Variants in LDLRAD4 observed in about 807,000 individuals in gnomAD.
The protein encoded by LDLRAD4 is low-density lipoprotein receptor class A domain-containing protein 4.
A neutral mutation model predicts 17.0 loss-of-function variants in LDLRAD4; 5 were observed. The ratio of observed to expected loss-of-function variants is 0.29; its 90% CI spans 0.15 to 0.62. LDLRAD4 has a LOEUF of 0.62. Ranked by LOEUF, LDLRAD4 falls within the 20% of genes least tolerant of loss-of-function variation. The probability of loss-of-function intolerance (pLI) is 0.84; values close to 1 mark genes in which losing one functional copy is unlikely to be tolerated. For synonymous variants in LDLRAD4, 168 were observed against 171.8 expected, an observed-to-expected ratio of 0.98 and a Z score of 0.17; for missense variants, 340 against 424.7, an observed-to-expected ratio of 0.80 and a Z score of 1.75.
At chr18:13,386,596 C>T (rs2085821679) in intron 1 of LDLRAD4, among the ~76,000 whole-genome samples, 2 of 152,206 alleles carry the variant, frequency 1.3e-5, no homozygotes, top group African/African-American at 4.8e-5. Flanking sequence ...TCTCGAACTC[C>T]TGACCTCAGG....
chr18:13,476,499 C>G (rs547901036), intron 3 of LDLRAD4, among the ~76,000 whole-genome samples: 1 of 152,008 alleles, frequency 6.6e-6, no homozygotes. Flanking sequence ...TGGTGTGCAC[C>G]TGTAGTTCCA....
intron 2 of LDLRAD4, among the ~76,000 whole-genome samples, chr18:13,391,040 G>A (rs182016582): frequency 2.6e-5 from 4 of 152,286 alleles, no homozygotes; most frequent in Admixed American, 2.0e-4. Flanking sequence ...TCAGGAGTCC[G>A]GTGCCCAGCC....
At chr18:13,409,178 G>T (rs190446243) in intron 2 of LDLRAD4, among the ~76,000 whole-genome samples, 95 of 152,236 alleles carry the variant, frequency 6.2e-4, no homozygotes, top group East Asian at 3.7e-3. Context: ...TTGTTTGTTT[G>T]TTTTTTCACT....
intron 3 of LDLRAD4, among the ~76,000 whole-genome samples, chr18:13,454,937 G>A (rs1423075983): frequency 6.6e-6 from 1 of 152,274 alleles, no homozygotes; most frequent in African/African-American, 2.4e-5. Context: ...CCTGCGGCGG[G>A]AGCAGGGCAT....
intron 1 of LDLRAD4, among the ~76,000 whole-genome samples, chr18:13,317,381 C>T (rs138142851): frequency 1.2e-3 from 176 of 152,288 alleles, no homozygotes; most frequent in African/African-American, 4.0e-3. Context: ...CTGACCTGCT[C>T]AGCTATTCAG....
At chr18:13,327,601 T>C (rs147026954) in intron 1 of LDLRAD4, among the ~76,000 whole-genome samples, 291 of 151,844 alleles carry the variant, frequency 1.9e-3, no homozygotes, top group African/African-American at 6.6e-3. Flanking sequence ...AATTAAGGAT[T>C]TTGGTGTTAA....
intron 1 of LDLRAD4, among the ~76,000 whole-genome samples, chr18:13,290,148 C>T (rs1182276701): frequency 6.6e-6 from 1 of 152,210 alleles, no homozygotes; most frequent in African/African-American, 2.4e-5. Context: ...GATGGGGCAC[C>T]CATTCTTCCC....
intron 1 of LDLRAD4, among the ~76,000 whole-genome samples, chr18:13,327,699 A>G (rs998242403): frequency 6.6e-6 from 1 of 152,112 alleles, no homozygotes; most frequent in Non-Finnish European, 1.5e-5. Flanking sequence ...AAAGAGAAAG[A>G]AAGTAGGTGG....
chr18:13,545,765 C>T (rs1358574159), intron 3 of LDLRAD4, among the ~76,000 whole-genome samples: 4 of 152,200 alleles, frequency 2.6e-5, no homozygotes, highest in African/African-American at 9.6e-5. Flanking sequence ...TCAGTGCCTG[C>T]TGTGCACAGG....
intron 3 of LDLRAD4, among the ~76,000 whole-genome samples, chr18:13,454,642 T>A (rs1411085689): frequency 6.6e-6 from 1 of 152,240 alleles, no homozygotes; most frequent in East Asian, 1.9e-4. Context: ...TGCCTGTCTC[T>A]GCAGAGAGGG....
chr18:13,625,633 C>T (rs1305206461), intron 4 of LDLRAD4, among the ~76,000 whole-genome samples: 1 of 152,134 alleles, frequency 6.6e-6, no homozygotes, highest in Non-Finnish European at 1.5e-5. Context: ...GTTCTGGTCC[C>T]TGTCCCATAG....
intron 1 of LDLRAD4, among the ~76,000 whole-genome samples, chr18:13,374,437 T>C (rs2084751774): frequency 6.6e-6 from 1 of 152,190 alleles, no homozygotes; most frequent in Non-Finnish European, 1.5e-5. Flanking sequence ...TTAGATGTGG[T>C]CCCCAGCAGC....
At chr18:13,473,234 A>C (rs2092826197) in intron 3 of LDLRAD4, among the ~76,000 whole-genome samples, 1 of 152,252 alleles carries the variant, frequency 6.6e-6, no homozygotes, top group African/African-American at 2.4e-5. Context: ...TTGCCCAGGC[A>C]AAAATCCCAC....
intron 2 of LDLRAD4, 94 bp from the exon 4 acceptor site, chr18:13,438,150 A>G (rs2090788551): frequency 1.8e-6 from 2 of 1,133,550 alleles, no homozygotes; most frequent in Non-Finnish European, 2.6e-6. Context: ...CAATCATGGC[A>G]TGCAAATGGG....
Position 13,429,646 on chromosome 18 carries a change from G to A in LDLRAD4, c.41-8598G>A, listed in dbSNP as rs549945941. Among the ~76,000 whole-genome samples the A allele has an allele frequency of 3.3e-5, 5 of 152,358 alleles. No homozygotes were observed. In the South Asian group the frequency reaches 8.3e-4, roughly 25 times the overall value. ...GATCATAAGAATCGAAGGACTTTTAGAACATAAGACTTTTAGGTGTGAGAA... is the reference window on the plus strand; with the variant it reads ...GATCATAAGAATCGAAGGACTTTTAAAACATAAGACTTTTAGGTGTGAGAA... On this transcript the variant is annotated intron_variant, in intron 2 of 5. Coordinates refer to ENST00000359446, the Ensembl canonical transcript of LDLRAD4.
intron 3 of LDLRAD4, among the ~76,000 whole-genome samples, chr18:13,546,460 C>T (rs1449863754): frequency 6.6e-6 from 1 of 150,714 alleles, no homozygotes; most frequent in Non-Finnish European, 1.5e-5. Flanking sequence ...CCTCAAATTC[C>T]CAGGCTCAAG....
intron 1 of LDLRAD4, among the ~76,000 whole-genome samples, chr18:13,306,304 T>A (rs1023446503): frequency 6.6e-6 from 1 of 152,256 alleles, no homozygotes; most frequent in Non-Finnish European, 1.5e-5. Context: ...CTTTTGATTG[T>A]AGAACAAGAA....
At chr18:13,506,120 C>G (rs1188778548) in intron 3 of LDLRAD4, among the ~76,000 whole-genome samples, 1 of 152,184 alleles carries the variant, frequency 6.6e-6, no homozygotes, top group African/African-American at 2.4e-5. Flanking sequence ...GTCTTTGTCC[C>G]GTTCCTTATA....
intron 1 of LDLRAD4, among the ~76,000 whole-genome samples, chr18:13,233,651 C>T (rs2042192130): frequency 1.3e-5 from 2 of 152,146 alleles, no homozygotes; most frequent in Admixed American, 1.3e-4. Context: ...GGGTCTCTCC[C>T]TTAGCTGTCA....
Sources: gnomAD v4.1 joint callset for allele counts (sites outside exome capture counted in the v4.1 genomes callset) on GRCh38, gnomAD v4.1.1 for gene constraint, MANE v1.5 for transcripts, NCBI Gene and HGNC (gene_info 2026-07-23, HGNC 2026-07-21) for gene names.